The following PNKD variants were observed in gnomAD, a reference collection of about 807,000 sequenced individuals.
The protein encoded by PNKD is PNKD metallo-beta-lactamase domain containing, also known as probable thioesterase PNKD.
A neutral mutation model predicts 45.3 loss-of-function variants in PNKD; 36 were observed. The observed-to-expected ratio is 0.80, with a 90% CI of 0.61 to 1.05. PNKD has a LOEUF of 1.05. Among genes scored for constraint, PNKD ranks in the 50% least tolerant of loss-of-function variants. The pLI, the probability that PNKD is intolerant of heterozygous loss-of-function variation, is 0.00. For synonymous variants in PNKD, 197 were observed against 210.1 expected (o/e 0.94, Z 0.54); for missense variants, 511 against 506.6 (o/e 1.01, Z -0.08).
At chr2:218,338,801 T>TC (rs920900021) in intron 2 of PNKD, among the ~76,000 whole-genome samples, 1 of 149,738 alleles carries the variant, frequency 6.7e-6, no homozygotes, top group African/African-American at 2.5e-5. Flanking sequence ...ATTTTTTTTT[T>TC]TTTTTTTTTG....
intron 2 of PNKD, among the ~76,000 whole-genome samples, chr2:218,312,467 T>A (rs571275145): frequency 6.6e-6 from 1 of 151,158 alleles, no homozygotes; most frequent in African/African-American, 2.4e-5. Flanking sequence ...AGGCTATGGC[T>A]ATTCAGAGGA....
At chr2:218,291,191 A>G (rs1692905318) in intron 2 of PNKD, among the ~76,000 whole-genome samples, 1 of 152,116 alleles carries the variant, frequency 6.6e-6, no homozygotes, top group South Asian at 2.1e-4. Flanking sequence ...TGAAGGGCTC[A>G]TTTTTACAAG....
chr2:218,281,130 T>TTTTTTTTTTTTTGC (rs71064426), intron 2 of PNKD: 1 of 117,346 alleles, frequency 8.5e-6, no homozygotes, highest in Non-Finnish European at 1.8e-5. Context: ...TTGTTTTTTG[T>TTTTTTTTTTTTTGC]TTTTTTTTTG....
chr2:218,302,393 G>C (rs1005855250), intron 2 of PNKD, among the ~76,000 whole-genome samples: 1 of 152,174 alleles, frequency 6.6e-6, no homozygotes, highest in African/African-American at 2.4e-5. Flanking sequence ...TCTTATGTTG[G>C]CAGAAGGTGG....
chr2:218,323,468 G>C, intron 2 of PNKD: 1 of 1,501,612 alleles, frequency 6.7e-7, no homozygotes, highest in Non-Finnish European at 8.8e-7. Flanking sequence ...GGGCTCGGGA[G>C]GCGGGCGCGC....
intron 2 of PNKD, chr2:218,281,822 G>A (rs1692033480): frequency 1.1e-6 from 1 of 873,818 alleles, no homozygotes; most frequent in East Asian, 2.7e-5. Flanking sequence ...TCTCAACAGA[G>A]AAGATGAGAA....
chr2:218,270,952 G>A, intron 1 of PNKD: 1 of 330,762 alleles, frequency 3.0e-6, no homozygotes, highest in Non-Finnish European at 5.5e-6. Context: ...CTTGGGCAAA[G>A]CAGTTTTTCT....
rs563550915 is a variant in PNKD at position 218,302,412 on chromosome 2, A to G, written c.236+30863A>G. Among the ~76,000 whole-genome samples, 4 of 152,304 alleles carry G rather than the reference A, an allele frequency of 2.6e-5. No individual in the cohort carries two copies. In the South Asian group the frequency reaches 8.3e-4, roughly 32 times the overall value. ...ATGTTGGCAGAAGGTGGCATGAAAG[A>G]GTAGCTACAGAGGGGATGGGCCGTG... On this transcript the variant is annotated intron_variant, in intron 2 of 9. Coordinates refer to ENST00000273077, the MANE Select transcript of PNKD (RefSeq NM_015488.5).
chr2:218,295,243 T>A (rs996572396), intron 2 of PNKD, among the ~76,000 whole-genome samples: 16 of 152,218 alleles, frequency 1.1e-4, no homozygotes, highest in Non-Finnish European at 5.9e-5. Context: ...AATTATTAAG[T>A]AAGCTTTTAT....
intron 2 of PNKD, among the ~76,000 whole-genome samples, chr2:218,295,264 C>G (rs543973960): frequency 6.6e-6 from 1 of 152,230 alleles, no homozygotes; most frequent in African/African-American, 2.4e-5. Context: ...TGTCTGCCAA[C>G]CAGACAGGAA....
chr2:218,328,647 C>T (rs1184439024), intron 2 of PNKD, among the ~76,000 whole-genome samples: 1 of 152,178 alleles, frequency 6.6e-6, no homozygotes, highest in Non-Finnish European at 1.5e-5. Flanking sequence ...TCCCTCAAAC[C>T]TTGTGATGAT....
At chr2:218,324,015 T>C (rs1428112284) in intron 2 of PNKD, among the ~76,000 whole-genome samples, 2 of 152,190 alleles carry the variant, frequency 1.3e-5, no homozygotes, top group African/African-American at 2.4e-5. Flanking sequence ...GCCTGGCCCG[T>C]GTGGAAGCCC....
intron 2 of PNKD, chr2:218,274,548 GC>G (rs1470469207): frequency 1.3e-5 from 2 of 154,864 alleles, no homozygotes; most frequent in Non-Finnish European, 2.9e-5. Context: ...TATCTCCCTA[GC>G]CAGGTGAGGG....
rs984687599 is a variant in PNKD, at chr2:218,340,585, C to T, written c.466-143C>T. ...CCGTGCTTCACATTCCTGGATCTCT[C>T]CCCTCCAGCTCCATCCCTTTCCTCT... On this transcript the variant is annotated intron_variant, in intron 4 of 9. Coordinates refer to ENST00000273077, the MANE Select transcript of PNKD (RefSeq NM_015488.5). The surrounding 1 kb of genome is among the most constrained non-coding windows in gnomAD (Gnocchi z 4.2). 9.6e-6 allele frequency: 7 copies of T among 728,174 alleles called. No individual in the cohort carries two copies. The Admixed American group carries it at 1.2e-4, about 12-fold the overall frequency. 45.1% of individuals were successfully genotyped at this position (728,174 alleles called of 1,614,324 possible).
chr2:218,317,153 G>A (rs1693837982), intron 2 of PNKD, among the ~76,000 whole-genome samples: 1 of 152,146 alleles, frequency 6.6e-6, no homozygotes, highest in Admixed American at 6.6e-5. Flanking sequence ...GTGGCCATGT[G>A]AGCAAGCTGC....
At chr2:218,277,241 A>C in intron 2 of PNKD, 1 of 1,163,900 alleles carries the variant, frequency 8.6e-7, no homozygotes. Flanking sequence ...AACAGGACAC[A>C]GTTTTGTAGG....
chr2:218,339,083 A>G (rs975019713), intron 2 of PNKD, among the ~76,000 whole-genome samples: 3 of 151,980 alleles, frequency 2.0e-5, no homozygotes, highest in Non-Finnish European at 4.4e-5. Flanking sequence ...GGTGTGAGCC[A>G]CTGTACCCAA....
intron 2 of PNKD, among the ~76,000 whole-genome samples, chr2:218,310,390 T>A (rs1057328794): frequency 4.0e-5 from 6 of 150,400 alleles, no homozygotes; most frequent in Non-Finnish European, 7.4e-5. Context: ...GCCTGGCTAA[T>A]TTTTTTTATT....
intron 2 of PNKD, among the ~76,000 whole-genome samples, chr2:218,311,231 G>A (rs1435616014): frequency 6.6e-6 from 1 of 152,176 alleles, no homozygotes; most frequent in Non-Finnish European, 1.5e-5. Context: ...CAGTACCTCA[G>A]GGTTCCTATC....
Sources: allele counts gnomAD v4.1 joint callset (sites outside exome capture counted in the v4.1 genomes callset), GRCh38; gene constraint gnomAD v4.1.1; non-coding constraint Gnocchi (gnomAD v3.1); transcripts MANE v1.5; gene names NCBI Gene and HGNC (gene_info 2026-07-23, HGNC 2026-07-21).